The following ANO3 variants were observed in gnomAD, a reference collection of about 807,000 sequenced individuals.
The protein encoded by ANO3 is anoctamin 3.
A neutral mutation model predicts 144.8 loss-of-function variants in ANO3; 99 were observed. The ratio of observed to expected loss-of-function variants is 0.68; its 90% CI spans 0.58 to 0.81. The LOEUF (loss-of-function observed/expected upper bound fraction) is 0.81, where lower values mean the gene tolerates loss of function less well. ANO3 is among the 30% of genes least tolerant of loss of function. The pLI is 0.00. For synonymous variants in ANO3, 414 were observed against 392.6 expected (o/e 1.05, Z -0.64); for missense variants, 905 against 1,202.2 (o/e 0.75, Z 3.66).
intron 4 of ANO3, among the ~76,000 whole-genome samples, chr11:26,495,681 G>A (rs530560132): frequency 4.6e-5 from 7 of 152,234 alleles, no homozygotes; most frequent in African/African-American, 1.7e-4. Context: ...GATTTTAGAG[G>A]AAAGGAAAGG....
At chr11:26,206,916 A>T (rs1750190118) in intron 1 of ANO3, among the ~76,000 whole-genome samples, 1 of 152,212 alleles carries the variant, frequency 6.6e-6, no homozygotes, top group African/African-American at 2.4e-5. Context: ...GAAATCACCC[A>T]ACAGGGATTA....
intron 17 of ANO3, among the ~76,000 whole-genome samples, chr11:26,614,615 C>G (rs910715200): frequency 1.3e-5 from 2 of 152,132 alleles, no homozygotes; most frequent in Non-Finnish European, 2.9e-5. Flanking sequence ...CAGCTACTCT[C>G]CAGACTGGAT....
At chr11:26,493,325 C>G (rs1860789438) in intron 4 of ANO3, among the ~76,000 whole-genome samples, 1 of 152,052 alleles carries the variant, frequency 6.6e-6, no homozygotes, top group Non-Finnish European at 1.5e-5. Context: ...TTCCATCCCT[C>G]TTTATTGATA....
intron 18 of ANO3, among the ~76,000 whole-genome samples, chr11:26,628,242 A>G (rs959218499): frequency 1.3e-5 from 2 of 152,294 alleles, no homozygotes; most frequent in African/African-American, 4.8e-5. Flanking sequence ...AAGAGTTTTC[A>G]CTTTGTCAGA....
Position 26,553,346 on chromosome 11 carries a change from G to A in ANO3, c.1386+1G>A. 1.2e-6 allele frequency: 2 copies of A among 1,607,102 alleles called. No individual in the cohort carries two copies. The highest frequency in any genetic ancestry group is 1.7e-6 in the Non-Finnish European group (2 of 1,174,418). ...CAACGACAGCTGTATCTATGCCAAG[G>A]TGAGTGTGGACCCTCACATTCTCCT... On this transcript the variant is annotated splice_donor_variant, in intron 13 of 26. Transcript: ENST00000256737. LOFTEE classifies it high-confidence loss of function.
chr11:26,517,552 C>T (rs565605746), intron 6 of ANO3, among the ~76,000 whole-genome samples: 122 of 152,098 alleles, frequency 8.0e-4, no homozygotes, highest in African/African-American at 2.9e-3. Flanking sequence ...TTCAACAATG[C>T]TCTTACTATG....
At chr11:26,557,278 A>ATG (rs1850110748) in intron 13 of ANO3, among the ~76,000 whole-genome samples, 1 of 151,878 alleles carries the variant, frequency 6.6e-6, no homozygotes, top group Non-Finnish European at 1.5e-5. Context: ...TGGCTAAGAC[A>ATG]GTGAAACCCT....
chr11:26,272,314 G>C (rs778992982), intron 1 of ANO3, among the ~76,000 whole-genome samples: 6 of 151,874 alleles, frequency 4.0e-5, no homozygotes, highest in Non-Finnish European at 7.4e-5. Context: ...GTCTGCAACT[G>C]CCTGCCATTT....
At chr11:26,649,623 G>A (rs965419872) in intron 24 of ANO3, among the ~76,000 whole-genome samples, 3 of 152,078 alleles carry the variant, frequency 2.0e-5, no homozygotes, top group Admixed American at 6.5e-5. Context: ...TGTAATCCCA[G>A]CTACTCGGGT....
chr11:26,416,851 C>T (rs920606304), intron 1 of ANO3, among the ~76,000 whole-genome samples: 3 of 152,010 alleles, frequency 2.0e-5, no homozygotes, highest in African/African-American at 7.2e-5. Flanking sequence ...ATTGATATCA[C>T]ATACTTTCAA....
Position 26,332,248 on chromosome 11 carries a change from T to C in ANO3, c.-28T>C. 2 of 1,614,038 alleles carry C rather than the reference T, an allele frequency of 1.2e-6. No homozygotes were observed. The highest frequency in any genetic ancestry group is 2.2e-5 in the South Asian group (2 of 91,074). On this transcript the variant is annotated 5_prime_UTR_variant, in exon 1 of 27. Transcript: ENST00000256737. ...TCCGCCTCCCTCTCGGGCAGCTCCCTAAGCCGGCTGGGACGCGCAGAGTGA... is the reference window on the plus strand; with the variant it reads ...TCCGCCTCCCTCTCGGGCAGCTCCCCAAGCCGGCTGGGACGCGCAGAGTGA...
intron 3 of ANO3, among the ~76,000 whole-genome samples, chr11:26,461,745 TTAC>T (rs1859403768): frequency 6.6e-6 from 1 of 152,094 alleles, no homozygotes; most frequent in Non-Finnish European, 1.5e-5. Flanking sequence ...GATGTACCTC[TTAC>T]TAGTTTAGTG....
At chr11:26,638,389 A>T (rs1252301389) in intron 20 of ANO3, among the ~76,000 whole-genome samples, 2 of 152,240 alleles carry the variant, frequency 1.3e-5, no homozygotes, top group Admixed American at 6.5e-5. Context: ...CCTGGTCTAA[A>T]CATAAGAAAA....
At chr11:26,590,699 C>A (rs1348952927) in intron 14 of ANO3, among the ~76,000 whole-genome samples, 1 of 152,214 alleles carries the variant, frequency 6.6e-6, no homozygotes, top group Non-Finnish European at 1.5e-5. Flanking sequence ...CATGTGGGAA[C>A]AATGACAAGC....
At chr11:26,533,671 G>GC (rs573969521) in intron 8 of ANO3, among the ~76,000 whole-genome samples, 29 of 152,156 alleles carry the variant, frequency 1.9e-4, no homozygotes, top group Non-Finnish European at 3.8e-4. Flanking sequence ...CATAATCTAG[G>GC]CAAGAGGCAA....
intron 14 of ANO3, among the ~76,000 whole-genome samples, chr11:26,582,853 T>A (rs1375220821): frequency 1.3e-5 from 2 of 152,220 alleles, no homozygotes; most frequent in African/African-American, 4.8e-5. Context: ...TGTTACATTT[T>A]TAATTAGAAA....
At chr11:26,422,024 G>C (rs973723919) in intron 1 of ANO3, among the ~76,000 whole-genome samples, 8 of 151,924 alleles carry the variant, frequency 5.3e-5, no homozygotes, top group African/African-American at 1.9e-4. Context: ...GGGTGATGAA[G>C]TAATCTCTGC....
At chr11:26,600,046 T>C (rs898262260) in intron 17 of ANO3, among the ~76,000 whole-genome samples, 10 of 152,274 alleles carry the variant, frequency 6.6e-5, no homozygotes, top group African/African-American at 2.4e-4. Context: ...GTTTGGGCTT[T>C]AAAATCATCC....
At chr11:26,570,752 G>A (rs1850791889) in intron 14 of ANO3, among the ~76,000 whole-genome samples, 1 of 152,084 alleles carries the variant, frequency 6.6e-6, no homozygotes, top group Admixed American at 6.6e-5. Flanking sequence ...CTGCTATGTA[G>A]CTAACATCTC....
Sources: allele counts gnomAD v4.1 joint callset (sites outside exome capture counted in the v4.1 genomes callset), GRCh38; gene constraint gnomAD v4.1.1; transcripts MANE v1.5; gene names NCBI Gene and HGNC (gene_info 2026-07-23, HGNC 2026-07-21).